Variants in SLC19A2 observed in about 807,000 individuals in gnomAD.
SLC19A2 encodes the protein thiamine transporter 1.
SLC19A2 carries 27 observed loss-of-function variants against 44.7 expected under a neutral mutation model. That is an observed-to-expected ratio of 0.60 (90% CI 0.45 to 0.83). SLC19A2 has a LOEUF of 0.83. Ranked by LOEUF, SLC19A2 falls within the 40% of genes least tolerant of loss-of-function variation. The probability of loss-of-function intolerance (pLI) is 0.00; values close to 1 mark genes in which losing one functional copy is unlikely to be tolerated. For missense variants in SLC19A2, 566 were observed against 613.7 expected (o/e 0.92, Z 0.82); for synonymous variants, 239 against 243.6 (o/e 0.98, Z 0.18).
chr1:169,481,131 GCAT>G (rs1307235673), intron 1 of SLC19A2, among the ~76,000 whole-genome samples: 1 of 152,168 alleles, frequency 6.6e-6, no homozygotes. Flanking sequence ...ACTATTATCA[GCAT>G]CATAATAACA....
At chr1:169,478,121 G>C (rs1284431603) in intron 1 of SLC19A2, among the ~76,000 whole-genome samples, 1 of 152,024 alleles carries the variant, frequency 6.6e-6, no homozygotes, top group African/African-American at 2.4e-5. Flanking sequence ...TGGCCAGGCT[G>C]GTCTCAAACT....
chr1:169,466,225 C>T (rs1349001987), intron 5 of SLC19A2, among the ~76,000 whole-genome samples: 2 of 152,206 alleles, frequency 1.3e-5, no homozygotes, highest in African/African-American at 4.8e-5. Context: ...CATCTCTGAG[C>T]CCTTCTTCAC....
intron 1 of SLC19A2, among the ~76,000 whole-genome samples, chr1:169,481,825 A>G (rs1211746650): frequency 6.6e-6 from 1 of 152,238 alleles, no homozygotes; most frequent in East Asian, 1.9e-4. Context: ...TTAGGCTTTA[A>G]ATTAGAATCA....
chr1:169,471,698 G>A (rs199524314), intron 2 of SLC19A2, among the ~76,000 whole-genome samples: 21 of 146,878 alleles, frequency 1.4e-4, no homozygotes, highest in East Asian at 4.3e-4. Flanking sequence ...GTGTGTGTGT[G>A]TATATATACA....
intron 2 of SLC19A2, among the ~76,000 whole-genome samples, chr1:169,470,474 C>A (rs1054141949): frequency 6.6e-6 from 1 of 152,146 alleles, no homozygotes; most frequent in African/African-American, 2.4e-5. Flanking sequence ...AGGCTTCAGC[C>A]AATGGGAGTC....
chr1:169,485,883 C>A lies in SLC19A2; in HGVS notation c.-117G>T. 1 of 1,192,368 alleles carries A rather than the reference C, an allele frequency of 8.4e-7. No individual in the cohort carries two copies. The allele number at this position is 1,192,368 out of a possible 1,614,324, so 73.9% of individuals were successfully genotyped here. ...ACGCCTTCTCCCTGTAAGGCCAGGA[C>A]GTTCTGGACTCGCCGCCGCCTCCGG... is the stretch of plus-strand genomic sequence containing the variant. On this transcript the variant is annotated 5_prime_UTR_variant, in exon 1 of 6. Transcript: ENST00000236137.
chr1:169,485,428 G>A, intron 1 of SLC19A2, 135 bp downstream of exon 1: 3 of 947,254 alleles, frequency 3.2e-6, no homozygotes, highest in Non-Finnish European at 4.9e-6. Context: ...AGAGCACGAA[G>A]CCGACCTCCA....
rs911314340 is a variant in SLC19A2, at chr1:169,465,162, G to A, written c.*687C>T. 2 of 152,092 alleles carry A rather than the reference G, an allele frequency of 1.3e-5. No individual in the cohort carries two copies. Among genetic ancestry groups the A allele is most frequent in the Non-Finnish European group, 2.9e-5 (2 of 68,044 alleles). 9.4% of individuals were successfully genotyped at this position (152,092 alleles called of 1,614,324 possible). ...AAATGAGCTTCTCTGGGAAGCATAT[G>A]AATAATGCAAAAACGTACTTCTAAA... is the stretch of plus-strand genomic sequence containing the variant. On this transcript the variant is annotated 3_prime_UTR_variant, in exon 6 of 6. Transcript: ENST00000236137.
At chr1:169,482,035 C>A (rs1428429802) in intron 1 of SLC19A2, among the ~76,000 whole-genome samples, 1 of 151,572 alleles carries the variant, frequency 6.6e-6, no homozygotes, top group East Asian at 1.9e-4. Flanking sequence ...CCCATCTCTA[C>A]TAAAAATACA....
At chr1:169,484,573 T>A (rs1658511719) in intron 1 of SLC19A2, among the ~76,000 whole-genome samples, 2 of 152,226 alleles carry the variant, frequency 1.3e-5, no homozygotes, top group South Asian at 4.1e-4. Flanking sequence ...GAAGAGGGTG[T>A]TGAATCGGCT....
chr1:169,465,992 A>G lies in SLC19A2; in HGVS notation c.1366-15T>C. On this transcript the variant is annotated splice_polypyrimidine_tract_variant and intron_variant, in intron 5 of 5. Coordinates refer to ENST00000236137, the MANE Select transcript of SLC19A2 (RefSeq NM_006996.3). ...TAGATCAAAAACTAGAAGGGGGAAAAGCAGTTTATTGAATTATCAATGACA... is the reference window on the plus strand; with the variant it reads ...TAGATCAAAAACTAGAAGGGGGAAAGGCAGTTTATTGAATTATCAATGACA... The G allele has an allele frequency of 6.2e-7, 1 of 1,613,898 alleles. No individual in the cohort carries two copies. The highest frequency in any genetic ancestry group is 8.5e-7 in the Non-Finnish European group (1 of 1,179,834).
At chr1:169,472,162 T>C (rs1342494380) in intron 2 of SLC19A2, among the ~76,000 whole-genome samples, 1 of 152,180 alleles carries the variant, frequency 6.6e-6, no homozygotes, top group Non-Finnish European at 1.5e-5. Context: ...CACAAGACAA[T>C]TGTTAATCAT....
At position 169,465,508 on chromosome 1, in the gene SLC19A2, T is replaced by C. The variant is rs747523631; in HGVS notation, c.*341A>G. 1 of 325,908 alleles carries C rather than the reference T, an allele frequency of 3.1e-6. No homozygotes were observed. Among genetic ancestry groups the C allele is most frequent in the Non-Finnish European group, 5.9e-6 (1 of 169,806 alleles). 20.2% of individuals were successfully genotyped at this position (325,908 alleles called of 1,614,324 possible). A position where few individuals can be genotyped will look rare whatever the true frequency, so the allele number is the denominator to read the frequency against. Reference sequence around the variant, plus strand: ...ATCTGGCTAAGTAGATACAGACATATGTGACCTATAAAACACCAAACTCAC... The same window carrying C: ...ATCTGGCTAAGTAGATACAGACATACGTGACCTATAAAACACCAAACTCAC... On this transcript the variant is annotated 3_prime_UTR_variant, in exon 6 of 6. Coordinates refer to ENST00000236137, the MANE Select transcript of SLC19A2 (RefSeq NM_006996.3).
Position 169,477,718 on chromosome 1 carries a change from G to A in SLC19A2, c.244C>T (p.Leu82=), listed in dbSNP as rs747448050. 1.2e-6 allele frequency: 2 copies of A among 1,612,996 alleles called. No homozygotes were observed. The highest frequency in any genetic ancestry group is 1.3e-5 in the African/African-American group (1 of 74,634). The change falls in exon 2 of 6, where the codon CTG becomes TTG. Residue 82 remains leucine (L), a synonymous_variant. Transcript: ENST00000236137. ...EIYPVWTYSY[L]VLLFPVFLAT... ...AGGAACACAGGAAACAGTAGCACCA[G>A]GTAAGAGTAAGTCCATACTGGATAA...
At position 169,485,715 on chromosome 1, in the gene SLC19A2, C is replaced by G. The variant is rs574924879; in HGVS notation, c.52G>C (p.Val18Leu). The G allele has an allele frequency of 3.5e-5, 54 of 1,539,162 alleles. No individual in the cohort carries two copies. In the South Asian group the frequency reaches 6.1e-4, roughly 17 times the overall value. ...SRRAAAAAAT[V>L]LLRTARVRRE... Reference sequence around the variant, plus strand: ...CGGACCCGAGCGGTCCGCAGGAGCACAGTGGCCGCCGCCGCCGCCGCCCGC... The same window carrying G: ...CGGACCCGAGCGGTCCGCAGGAGCAGAGTGGCCGCCGCCGCCGCCGCCCGC... Residue 18 changes from valine (V) to leucine (L), a missense_variant, in exon 1 of 6, where the codon GTG becomes CTG. By Grantham distance (32) the Val-to-Leu change is conservative (BLOSUM62 1). Coordinates refer to ENST00000236137, the MANE Select transcript of SLC19A2 (RefSeq NM_006996.3).
chr1:169,483,744 CTGGGAACA>C (rs1260449221), intron 1 of SLC19A2, among the ~76,000 whole-genome samples: 1 of 152,196 alleles, frequency 6.6e-6, no homozygotes, highest in Non-Finnish European at 1.5e-5. Flanking sequence ...AATATCAACA[CTGGGAACA>C]TGTTTCTCTC....
intron 5 of SLC19A2, 52 bp from the exon 6 acceptor site, chr1:169,466,029 C>T (rs1342913601): frequency 6.2e-7 from 1 of 1,604,624 alleles, no homozygotes; most frequent in East Asian, 2.2e-5. Flanking sequence ...GAGGATTACT[C>T]TATAATAAAG....
Position 169,485,720 on chromosome 1 carries a change from GC to G in SLC19A2, c.46del (p.Ala16ProfsTer38). On this transcript the variant is annotated frameshift_variant, in exon 1 of 6. Coordinates refer to ENST00000236137, the MANE Select transcript of SLC19A2 (RefSeq NM_006996.3). LOFTEE classifies it high-confidence loss of function. ...PVSRRAAAAAATVLLRTARVR... is the reference protein window; with the variant it reads ...PVSRRAAAAAXTVLLRTARVR... ...CCGAGCGGTCCGCAGGAGCACAGTG[GC>G]CGCCGCCGCCGCCGCCCGCCGAGAC... is the stretch of plus-strand genomic sequence containing the variant. 1 of 1,531,694 alleles carries G rather than the reference GC, an allele frequency of 6.5e-7. No individual in the cohort carries two copies. Among genetic ancestry groups the G allele is most frequent in the Admixed American group, 2.0e-5 (1 of 50,628 alleles). 94.9% of individuals were successfully genotyped at this position (1,531,694 alleles called of 1,614,324 possible). A position where few individuals can be genotyped will look rare whatever the true frequency, so the allele number is the denominator to read the frequency against.
chr1:169,468,055 C>G (rs1658075319), intron 5 of SLC19A2, 56 bp downstream of exon 5: 3 of 1,580,928 alleles, frequency 1.9e-6, no homozygotes, highest in Non-Finnish European at 2.6e-6. Flanking sequence ...ACATATACTT[C>G]TGTCACCCTG....
Sources: allele counts gnomAD v4.1 joint callset (sites outside exome capture counted in the v4.1 genomes callset), GRCh38; gene constraint gnomAD v4.1.1; transcripts MANE v1.5; gene names NCBI Gene and HGNC (gene_info 2026-07-23, HGNC 2026-07-21).